SPRED2: variants seen among roughly 807,000 people sequenced by gnomAD.
SPRED2 encodes sprouty related EVH1 domain containing 2, also known as sprouty-related, EVH1 domain-containing protein 2.
SPRED2 carries 47 observed loss-of-function variants against 43.0 expected under a neutral mutation model. That is an observed-to-expected ratio of 1.09 (90% CI 0.87 to 1.40). SPRED2 has a LOEUF of 1.40. SPRED2 is among the 40% of genes most tolerant of loss of function. The pLI, the probability that SPRED2 is intolerant of heterozygous loss-of-function variation, is 0.00. For synonymous variants in SPRED2, 225 were observed against 225.7 expected (o/e 1.00, Z 0.03); for missense variants, 561 against 586.4 (o/e 0.96, Z 0.45).
rs921668737 is a variant in SPRED2, at chr2:65,427,028, G to A, written c.26+4934C>T. On this transcript the variant is annotated intron_variant, in intron 1 of 5. Transcript: ENST00000356388. ...TACTATGACAGGTCCTAGCTTACAA[G>A]CTCCTTAAGGTCTTTTCAGGTTTTT... 5.3e-5 allele frequency among the ~76,000 whole-genome samples: 8 copies of A among 152,078 alleles called. 1 individual carries two copies. The highest frequency in any genetic ancestry group is 1.2e-4 in the Non-Finnish European group (8 of 68,008).
chr2:65,422,100 ACACACT>A (rs1165223499), intron 1 of SPRED2, among the ~76,000 whole-genome samples: 2,184 of 112,548 alleles, frequency 0.019, 37 homozygotes, highest in African/African-American at 0.067. Context: ...ACACACACAC[ACACACT>A]CTCTCTCTCT....
Position 65,311,847 on chromosome 2 carries a change from C to T in SPRED2, c.*1654G>A. ...GCCCCATGAAGGTGAGCACAGCTAG[C>T]ACTTTCCCAATATGATTGGCAGACT... is the stretch of plus-strand genomic sequence containing the variant. On this transcript the variant is annotated 3_prime_UTR_variant, in exon 6 of 6. Transcript: ENST00000356388. 1 of 985,462 alleles carries T rather than the reference C, an allele frequency of 1.0e-6. No homozygotes were observed. Among genetic ancestry groups the T allele is most frequent in the Non-Finnish European group, 1.2e-6 (1 of 829,938 alleles). 61.0% of individuals were successfully genotyped at this position (985,462 alleles called of 1,614,324 possible).
At chr2:65,330,256 A>G (rs368679354) in intron 4 of SPRED2, among the ~76,000 whole-genome samples, 1 of 152,258 alleles carries the variant, frequency 6.6e-6, no homozygotes, top group Non-Finnish European at 1.5e-5. Context: ...CCAGTTGCAA[A>G]CCATGAGTAC....
chr2:65,429,595 A>G (rs1676631200), intron 1 of SPRED2, among the ~76,000 whole-genome samples: 1 of 152,270 alleles, frequency 6.6e-6, no homozygotes, highest in African/African-American at 2.4e-5. Context: ...AACATTTAAA[A>G]GGAATTTTTC....
Position 65,432,048 on chromosome 2 carries a change from T to A in SPRED2, c.-61A>T. On this transcript the variant is annotated 5_prime_UTR_variant, in exon 1 of 6. Coordinates refer to ENST00000356388, the MANE Select transcript of SPRED2 (RefSeq NM_181784.3). The stretch of plus-strand genomic sequence containing the variant: ...CAGCTTTGCTCCCTTCATCTTCCTG[T>A]CCGCTCGCCCCCCTTCTTCACATCT... 1 of 1,607,408 alleles carries A rather than the reference T, an allele frequency of 6.2e-7. No homozygotes were observed. Among genetic ancestry groups the A allele is most frequent in the Non-Finnish European group, 8.5e-7 (1 of 1,175,634 alleles).
intron 1 of SPRED2, among the ~76,000 whole-genome samples, chr2:65,407,459 T>C (rs1290353282): frequency 6.6e-6 from 1 of 151,900 alleles, no homozygotes; most frequent in Non-Finnish European, 1.5e-5. Context: ...GGGGTTCTAA[T>C]CTATTGCTGT....
chr2:65,354,024 A>T (rs1486450342), intron 1 of SPRED2, among the ~76,000 whole-genome samples: 3 of 152,214 alleles, frequency 2.0e-5, no homozygotes, highest in Admixed American at 6.5e-5. Context: ...CAAGGGCCAA[A>T]AAAAAGGAAA....
Position 65,344,727 on chromosome 2 carries a change from C to CT in SPRED2, c.195dup (p.Asp66ArgfsTer30). ...TGTATGTCTGCCATTACCAGTTTGT[C>CT]TTTCTGTCGTTCACCATGGATGAGA... On this transcript the variant is annotated frameshift_variant, in exon 2 of 6. Transcript: ENST00000356388. LOFTEE classifies it high-confidence loss of function. 6.2e-7 allele frequency: 1 copy of CT among 1,614,028 alleles called. No homozygotes were observed. Among genetic ancestry groups the CT allele is most frequent in the Non-Finnish European group, 8.5e-7 (1 of 1,179,888 alleles).
intron 1 of SPRED2, among the ~76,000 whole-genome samples, chr2:65,430,610 C>T (rs1481080522): frequency 2.0e-5 from 3 of 152,144 alleles, no homozygotes; most frequent in South Asian, 4.1e-4. Context: ...TCAATGCCTG[C>T]GGGGGGCAAA....
At chr2:65,339,131 G>A (rs1674098517) in intron 2 of SPRED2, among the ~76,000 whole-genome samples, 3 of 128,738 alleles carry the variant, frequency 2.3e-5, no homozygotes, top group Non-Finnish European at 4.9e-5. Flanking sequence ...CCGGCCAGCC[G>A]CCCGGTCCAG....
intron 1 of SPRED2, among the ~76,000 whole-genome samples, chr2:65,400,167 TC>T (rs1675850920): frequency 1.3e-5 from 2 of 152,106 alleles, no homozygotes; most frequent in South Asian, 4.1e-4. Flanking sequence ...TCCACAATCC[TC>T]CCCCTCAATC....
intron 1 of SPRED2, among the ~76,000 whole-genome samples, chr2:65,421,738 AG>A (rs1248831989): frequency 1.3e-5 from 2 of 152,260 alleles, no homozygotes; most frequent in African/African-American, 4.8e-5. Context: ...CAGGAATGCA[AG>A]GAAGAAATGT....
At position 65,313,751 on chromosome 2, in the gene SPRED2, CA is replaced by C; in HGVS notation, c.1006del (p.Cys336AlafsTer5). On this transcript the variant is annotated frameshift_variant, in exon 6 of 6. Coordinates refer to ENST00000356388, the MANE Select transcript of SPRED2 (RefSeq NM_181784.3). LOFTEE classifies it high-confidence loss of function. The stretch of plus-strand genomic sequence containing the variant: ...CCACATGCAGCTCACCCGGCGGATG[CA>C]AGTTCTCACGGAGTCGGGCGCGTCC... ...CQDAPDSVRT[C>X]IRRVSCMWCA... The C allele has an allele frequency of 1.2e-6, 2 of 1,614,204 alleles. No individual in the cohort carries two copies. Among genetic ancestry groups the C allele is most frequent in the Non-Finnish European group, 1.7e-6 (2 of 1,180,028 alleles).
At chr2:65,383,080 T>C (rs1424371438) in intron 1 of SPRED2, among the ~76,000 whole-genome samples, 1 of 152,220 alleles carries the variant, frequency 6.6e-6, no homozygotes, top group African/African-American at 2.4e-5. Context: ...GCAAGAGTCA[T>C]ACAAGAAGGC....
At chr2:65,393,825 CATT>C (rs1344375872) in intron 1 of SPRED2, among the ~76,000 whole-genome samples, 1 of 152,118 alleles carries the variant, frequency 6.6e-6, no homozygotes, top group African/African-American at 2.4e-5. Flanking sequence ...TTCATTCAGT[CATT>C]GTTATTGCCA....
At chr2:65,409,739 T>C (rs886540731) in intron 1 of SPRED2, among the ~76,000 whole-genome samples, 1 of 150,622 alleles carries the variant, frequency 6.6e-6, no homozygotes, top group East Asian at 1.9e-4. Flanking sequence ...ATGAAGACTT[T>C]CAAGAGAAAT....
At chr2:65,327,664 C>T (rs763933905) in intron 4 of SPRED2, among the ~76,000 whole-genome samples, 2 of 149,656 alleles carry the variant, frequency 1.3e-5, no homozygotes, top group Non-Finnish European at 3.0e-5. Context: ...TCAACCAAAA[C>T]GTGGAGGGCT....
intron 2 of SPRED2, 111 bp downstream of exon 2, chr2:65,344,608 T>G: frequency 4.3e-6 from 6 of 1,401,654 alleles, no homozygotes; most frequent in Non-Finnish European, 5.9e-6. Context: ...TTGCAAGAGT[T>G]TGAAGTCAGA....
intron 1 of SPRED2, among the ~76,000 whole-genome samples, chr2:65,375,833 T>A (rs1283431670): frequency 6.6e-6 from 1 of 152,118 alleles, no homozygotes; most frequent in Non-Finnish European, 1.5e-5. Context: ...GAGAAAGGAG[T>A]TCCACGGATT....
Sources: allele counts gnomAD v4.1 joint callset (sites outside exome capture counted in the v4.1 genomes callset), GRCh38; gene constraint gnomAD v4.1.1; transcripts MANE v1.5; gene names NCBI Gene and HGNC (gene_info 2026-07-23, HGNC 2026-07-21).